FHIT: variants seen among roughly 807,000 people sequenced by gnomAD.
FHIT encodes the protein bis(5'-adenosyl)-triphosphatase.
In FHIT, 19 loss-of-function variants were observed where a neutral mutation model predicts 17.9. The observed-to-expected ratio is 1.06, with a 90% confidence interval of 0.74 to 1.56. The LOEUF (loss-of-function observed/expected upper bound fraction) is 1.56. FHIT is among the 40% of genes most tolerant of loss of function. The pLI, the probability that FHIT is intolerant of heterozygous loss-of-function variation, is 0.00. For missense variants in FHIT, 248 were observed against 189.2 expected, an observed-to-expected ratio of 1.31 and a Z score of -1.82; for synonymous variants, 81 against 69.7, an observed-to-expected ratio of 1.16 and a Z score of -0.81.
intron 2 of FHIT, among the ~76,000 whole-genome samples, chr3:61,184,806 A>T (rs532298074): frequency 6.6e-6 from 1 of 152,278 alleles, no homozygotes; most frequent in East Asian, 1.9e-4. Context: ...TGGCCTCTAG[A>T]CCTCAGAATC....
intron 3 of FHIT, among the ~76,000 whole-genome samples, chr3:60,931,584 C>A (rs999118721): frequency 7.7e-6 from 1 of 129,124 alleles, no homozygotes; most frequent in Admixed American, 7.6e-5. Flanking sequence ...CAGAAGCTTC[C>A]GGCTTCCACC....
intron 5 of FHIT, among the ~76,000 whole-genome samples, chr3:60,181,428 G>C (rs1429024721): frequency 6.6e-6 from 1 of 152,146 alleles, no homozygotes; most frequent in African/African-American, 2.4e-5. Flanking sequence ...TTACAGGTGT[G>C]AGCCACAGTG....
intron 5 of FHIT, among the ~76,000 whole-genome samples, chr3:60,291,103 T>C (rs1188775743): frequency 6.6e-6 from 1 of 152,158 alleles, no homozygotes; most frequent in African/African-American, 2.4e-5. Context: ...AAATCAAGGC[T>C]GCAGACACAC....
chr3:60,040,171 G>C (rs1266600547), intron 5 of FHIT, among the ~76,000 whole-genome samples: 1 of 151,530 alleles, frequency 6.6e-6, no homozygotes, highest in South Asian at 2.1e-4. Context: ...TTTTGAGACA[G>C]AGTCTTGCTC....
intron 5 of FHIT, among the ~76,000 whole-genome samples, chr3:60,022,433 G>A (rs148726158): frequency 1.3e-5 from 2 of 152,304 alleles, no homozygotes; most frequent in East Asian, 1.9e-4. Context: ...GAGCGAAAAT[G>A]ATATACGTCA....
chr3:59,915,632 T>C (rs1165888330), intron 8 of FHIT, among the ~76,000 whole-genome samples: 1 of 152,324 alleles, frequency 6.6e-6, no homozygotes, highest in Admixed American at 6.5e-5. Context: ...CTTCTCAACA[T>C]TCCTCATTTG....
chr3:60,109,065 T>G (rs934623645), intron 5 of FHIT, among the ~76,000 whole-genome samples: 2 of 152,236 alleles, frequency 1.3e-5, no homozygotes, highest in African/African-American at 4.8e-5. Flanking sequence ...AACTGGGAGC[T>G]TCCTAACTAA....
chr3:60,860,381 GAC>G (rs1559778770), intron 3 of FHIT, among the ~76,000 whole-genome samples: 1 of 142,600 alleles, frequency 7.0e-6, no homozygotes, highest in African/African-American at 2.8e-5. Context: ...ATGTATACAT[GAC>G]ATACATCATA....
At chr3:59,802,639 C>T (rs1249874318) in intron 8 of FHIT, among the ~76,000 whole-genome samples, 1 of 152,118 alleles carries the variant, frequency 6.6e-6, no homozygotes, top group Admixed American at 6.5e-5. Context: ...TTCCTTGACT[C>T]TCTTTTTGGA....
chr3:60,616,268 T>A (rs147901826), intron 4 of FHIT, among the ~76,000 whole-genome samples: 1 of 152,222 alleles, frequency 6.6e-6, no homozygotes, highest in Non-Finnish European at 1.5e-5. Flanking sequence ...TAATTTATTA[T>A]ACAAATCTTC....
chr3:60,121,709 A>AACAAAACAAACACAC lies in FHIT; in HGVS notation c.104-107558_104-107557insGTGTGTTTGTTTTGT, dbSNP rs1705261038. Among the ~76,000 whole-genome samples, 64 of 116,414 alleles carry AACAAAACAAACACAC rather than the reference A, an allele frequency of 5.5e-4. 1 individual carries two copies. The highest frequency in any genetic ancestry group is 1.6e-3 in the African/African-American group (47 of 29,788). 76.4% of individuals were successfully genotyped at this position (116,414 alleles called of 152,430 possible). ...AAAAAACAAACAAACAAACAAAACA[A>AACAAAACAAACACAC]ACACACACACACACACACACACACA... On this transcript the variant is annotated intron_variant, in intron 5 of 9. Transcript: ENST00000492590.
At chr3:59,809,702 G>T (rs1183795344) in intron 8 of FHIT, among the ~76,000 whole-genome samples, 1 of 152,118 alleles carries the variant, frequency 6.6e-6, no homozygotes, top group Admixed American at 6.5e-5. Context: ...TAATGACTGG[G>T]GTTTGTTTTA....
chr3:60,331,170 C>CA (rs1375641336), intron 5 of FHIT, among the ~76,000 whole-genome samples: 7 of 152,184 alleles, frequency 4.6e-5, no homozygotes, highest in African/African-American at 1.7e-4. Context: ...CCCTTACCTC[C>CA]AGGCCTGTGT....
chr3:60,060,338 T>G (rs1257538489), intron 5 of FHIT, among the ~76,000 whole-genome samples: 1 of 152,192 alleles, frequency 6.6e-6, no homozygotes, highest in Non-Finnish European at 1.5e-5. Flanking sequence ...GAATCAATAC[T>G]GGGGGACTAA....
At chr3:59,903,332 G>A (rs1354853988) in intron 8 of FHIT, among the ~76,000 whole-genome samples, 1 of 152,124 alleles carries the variant, frequency 6.6e-6, no homozygotes, top group East Asian at 1.9e-4. Context: ...TTTTGGGGGT[G>A]ATGAAATTAT....
chr3:60,897,781 C>T (rs1429409592), intron 3 of FHIT, among the ~76,000 whole-genome samples: 1 of 152,136 alleles, frequency 6.6e-6, no homozygotes, highest in Non-Finnish European at 1.5e-5. Flanking sequence ...GAGCTGTAAA[C>T]TAAACCTAAA....
At chr3:60,340,218 T>C (rs914205716) in intron 5 of FHIT, among the ~76,000 whole-genome samples, 11 of 152,212 alleles carry the variant, frequency 7.2e-5, no homozygotes, top group South Asian at 2.1e-4. Context: ...CTAAAAACTT[T>C]AGGAAATAAA....
At chr3:60,942,766 A>G (rs1216640643) in intron 3 of FHIT, among the ~76,000 whole-genome samples, 2 of 151,978 alleles carry the variant, frequency 1.3e-5, no homozygotes, top group Admixed American at 1.3e-4. Flanking sequence ...TATTTTATTT[A>G]TACCTTTTTA....
intron 8 of FHIT, among the ~76,000 whole-genome samples, chr3:59,790,122 CT>C (rs576342144): frequency 1.3e-5 from 2 of 152,172 alleles, no homozygotes; most frequent in African/African-American, 4.8e-5. Flanking sequence ...AAAATGGGAA[CT>C]TTTTGTGACA....
Sources: gnomAD v4.1 joint callset for allele counts (sites outside exome capture counted in the v4.1 genomes callset) on GRCh38, gnomAD v4.1.1 for gene constraint, MANE v1.5 for transcripts, NCBI Gene and HGNC (gene_info 2026-07-23, HGNC 2026-07-21) for gene names.